Variants in SDK2 observed in about 807,000 individuals in gnomAD.
The protein encoded by SDK2 is sidekick cell adhesion molecule 2.
Under a neutral mutation model 253.9 loss-of-function variants are expected in SDK2, and 105 were observed. The observed-to-expected ratio is 0.41, with a 90% CI of 0.35 to 0.49. The LOEUF (loss-of-function observed/expected upper bound fraction) is 0.49, where lower values mean the gene tolerates loss of function less well. Among genes scored for constraint, SDK2 ranks in the 20% least tolerant of loss-of-function variants. The pLI, the probability that SDK2 is intolerant of heterozygous loss-of-function variation, is 0.06. For synonymous variants in SDK2, 1,249 were observed against 1,234.9 expected (o/e 1.01, Z -0.24); for missense variants, 2,608 against 3,003.0 (o/e 0.87, Z 3.07).
chr17:73,559,965 C>A (rs1290297938), intron 1 of SDK2, among the ~76,000 whole-genome samples: 3 of 152,154 alleles, frequency 2.0e-5, no homozygotes, highest in African/African-American at 7.2e-5. Flanking sequence ...GTGGCAGTCA[C>A]CCCTGGGAGG....
At chr17:73,418,010 G>GTTTTTTTTTTTTT (rs397689294) in intron 16 of SDK2, among the ~76,000 whole-genome samples, 27 of 128,258 alleles carry the variant, frequency 2.1e-4, no homozygotes, top group Non-Finnish European at 2.7e-4. Context: ...TCCTAGATGA[G>GTTTTTTTTTTTTT]TTTTTTTTTT....
intron 2 of SDK2, among the ~76,000 whole-genome samples, chr17:73,490,340 C>A (rs1184352513): frequency 6.6e-6 from 1 of 152,182 alleles, no homozygotes; most frequent in African/African-American, 2.4e-5. Context: ...AACTACTCGG[C>A]TTTGCTCTGC....
rs192122102 is a variant in SDK2 at position 73,397,018 on chromosome 17, C to T, written c.3354+1017G>A. ...GCATCAAGCTGTCCGCGCACAGGAA[C>T]GGCAATAATGACTTCACAGTGTGGT... On this transcript the variant is annotated intron_variant, in intron 24 of 44. Coordinates refer to ENST00000392650, the MANE Select transcript of SDK2 (RefSeq NM_001144952.2). Among the ~76,000 whole-genome samples, 23 of 152,326 alleles carry T rather than the reference C, an allele frequency of 1.5e-4. 1 individual carries two copies. The East Asian group carries it at 3.5e-3, about 23-fold the overall frequency.
chr17:73,630,851 C>T (rs2046259968), intron 1 of SDK2, among the ~76,000 whole-genome samples: 1 of 152,068 alleles, frequency 6.6e-6, no homozygotes, highest in African/African-American at 2.4e-5. Flanking sequence ...AAGGCCCAGG[C>T]TGAGGCTGGC....
Position 73,361,956 on chromosome 17 carries a change from C to T in SDK2, c.5306-111G>A. The T allele has an allele frequency of 9.4e-7, 1 of 1,066,594 alleles. No homozygotes were observed. The allele number at this position is 1,066,594 out of a possible 1,614,324, so 66.1% of individuals were successfully genotyped here. A position where few individuals can be genotyped will look rare whatever the true frequency, so the allele number is the denominator to read the frequency against. On this transcript the variant is annotated intron_variant, in intron 38 of 44. Transcript: ENST00000392650. The surrounding 1 kb of genome is among the most constrained non-coding windows in gnomAD (Gnocchi z 4.1). Reference sequence around the variant, plus strand: ...TGGGCCCCGGGACCCTGGGTAGGGGCCTCACTCCTTGAGGTCAGGCTGAAA... The same window carrying T: ...TGGGCCCCGGGACCCTGGGTAGGGGTCTCACTCCTTGAGGTCAGGCTGAAA...
At chr17:73,351,280 T>G (rs2062536120) in intron 41 of SDK2, among the ~76,000 whole-genome samples, 1 of 152,142 alleles carries the variant, frequency 6.6e-6, no homozygotes. Context: ...CGGCTAATCT[T>G]TGTATTTTTA....
rs1207784651 is a variant in SDK2, at chr17:73,440,898, G to A, written c.639C>T (p.Ile213=). ...TAGGTGGGATGATGATGGTGGGTGC[G>A]ATGGGGTCTGCAGGCCCCCCTACAT... is the stretch of plus-strand genomic sequence containing the variant. ...VENVGGPADP[I]APTIIIPPKN... Residue 213 remains isoleucine (I), a synonymous_variant, in exon 6 of 45, where the codon ATC becomes ATT. Coordinates refer to ENST00000392650, the MANE Select transcript of SDK2 (RefSeq NM_001144952.2). The A allele has an allele frequency of 2.6e-6, 4 of 1,551,434 alleles. No individual in the cohort carries two copies. Among genetic ancestry groups the A allele is most frequent in the Non-Finnish European group, 3.5e-6 (4 of 1,146,886 alleles).
At position 73,458,539 on chromosome 17, in the gene SDK2, T is replaced by A. The variant is rs1458524890; in HGVS notation, c.332-2486A>T. On this transcript the variant is annotated intron_variant, in intron 3 of 44. Coordinates refer to ENST00000392650, the MANE Select transcript of SDK2 (RefSeq NM_001144952.2). The stretch of plus-strand genomic sequence containing the variant: ...CAGCCATGCTGGCCCCTTGGCAGCT[T>A]CACTTGGCCTAATGGTTTGACCACA... Among the ~76,000 whole-genome samples the A allele has an allele frequency of 2.0e-5, 3 of 152,322 alleles. No homozygotes were observed. In the East Asian group the frequency reaches 5.8e-4, roughly 29 times the overall value.
intron 12 of SDK2, among the ~76,000 whole-genome samples, chr17:73,429,812 G>T (rs2063311752): frequency 6.6e-6 from 1 of 152,146 alleles, no homozygotes; most frequent in South Asian, 2.1e-4. Flanking sequence ...CCTTGGGGGT[G>T]GGGGTAGGGT....
chr17:73,399,323 C>G (rs777700024), intron 21 of SDK2, 34 bp from the exon 22 acceptor site: 1 of 1,612,192 alleles, frequency 6.2e-7, no homozygotes, highest in African/African-American at 1.3e-5. Flanking sequence ...GAAGGAGATC[C>G]GGTGAGAATG....
chr17:73,531,431 G>A (rs979927028), intron 1 of SDK2, among the ~76,000 whole-genome samples: 1 of 151,950 alleles, frequency 6.6e-6, no homozygotes, highest in African/African-American at 2.4e-5. Context: ...CAGGCCCTGT[G>A]AGCCCAGCTG....
At chr17:73,458,009 C>T (rs1039253756) in intron 3 of SDK2, among the ~76,000 whole-genome samples, 10 of 152,132 alleles carry the variant, frequency 6.6e-5, no homozygotes, top group African/African-American at 2.4e-4. Flanking sequence ...GACAGGGTCT[C>T]GCTCTATCAT....
intron 33 of SDK2, 108 bp from the exon 34 acceptor site, chr17:73,381,058 G>T: frequency 1.4e-6 from 1 of 697,428 alleles, no homozygotes; most frequent in Middle Eastern, 3.7e-4. Context: ...AGGCGGGGCT[G>T]ACGGCGTGAA....
Position 73,569,581 on chromosome 17 carries a change from A to G in SDK2, c.65-61984T>C, listed in dbSNP as rs534820589. Among the ~76,000 whole-genome samples the G allele has an allele frequency of 3.8e-4, 58 of 151,206 alleles. 1 individual carries two copies. In the South Asian group the frequency reaches 7.7e-3, roughly 20 times the overall value. Reference sequence around the variant, plus strand: ...AGGGATGGGGGTGGGGATTGCTTTCAAAAGCAATCCCCACCCCCAACGAAT... The same window carrying G: ...AGGGATGGGGGTGGGGATTGCTTTCGAAAGCAATCCCCACCCCCAACGAAT... On this transcript the variant is annotated intron_variant, in intron 1 of 44. Transcript: ENST00000392650.
intron 1 of SDK2, among the ~76,000 whole-genome samples, chr17:73,552,816 T>A (rs1402245519): frequency 6.6e-6 from 1 of 152,222 alleles, no homozygotes; most frequent in Non-Finnish European, 1.5e-5. Flanking sequence ...CATTTGCACT[T>A]CTCGCTCTGG....
intron 43 of SDK2, among the ~76,000 whole-genome samples, chr17:73,349,788 C>T (rs9748067): frequency 0.075 from 11,365 of 152,130 alleles, 1,249 homozygotes; most frequent in African/African-American, 0.24. Flanking sequence ...AGCGATAATG[C>T]GGGTGCTCAG....
intron 2 of SDK2, among the ~76,000 whole-genome samples, chr17:73,478,840 G>GT (rs1237799005): frequency 6.6e-6 from 1 of 152,256 alleles, no homozygotes; most frequent in Non-Finnish European, 1.5e-5. Context: ...CACTCTCCTT[G>GT]TATTGTCCTC....
At chr17:73,562,554 G>C (rs1170184781) in intron 1 of SDK2, among the ~76,000 whole-genome samples, 1 of 152,146 alleles carries the variant, frequency 6.6e-6, no homozygotes, top group East Asian at 1.9e-4. Flanking sequence ...AGAAGAGAGA[G>C]AGACAGGAGA....
chr17:73,428,018 G>A (rs2063296706), intron 12 of SDK2, among the ~76,000 whole-genome samples: 1 of 152,118 alleles, frequency 6.6e-6, no homozygotes. Context: ...AAAACAATCT[G>A]ATTAAAAAAT....
Sources: allele counts gnomAD v4.1 joint callset (sites outside exome capture counted in the v4.1 genomes callset), GRCh38; gene constraint gnomAD v4.1.1; non-coding constraint Gnocchi (gnomAD v3.1); transcripts MANE v1.5; gene names NCBI Gene and HGNC (gene_info 2026-07-23, HGNC 2026-07-21).